Variants in NFE2L3 observed in about 807,000 individuals in gnomAD.
NFE2L3 encodes the protein nuclear factor erythroid 2-related factor 3.
In NFE2L3, 18 loss-of-function variants were observed where a neutral mutation model predicts 23.5. The observed-to-expected ratio is 0.77, with a 90% CI of 0.53 to 1.13. NFE2L3 has a LOEUF of 1.13. Among genes scored for constraint, NFE2L3 ranks in the 50% most tolerant of loss-of-function variants. The pLI is 0.00. For synonymous variants in NFE2L3, 424 were observed against 354.5 expected (o/e 1.20, Z -2.20); for missense variants, 1,152 against 877.2 (o/e 1.31, Z -3.96).
intron 1 of NFE2L3, among the ~76,000 whole-genome samples, chr7:26,172,450 A>G (rs1364302240): frequency 6.6e-6 from 1 of 152,212 alleles, no homozygotes; most frequent in Non-Finnish European, 1.5e-5. Flanking sequence ...ATTTCCTAAG[A>G]ACAGTGATTT....
At position 26,185,001 on chromosome 7, in the gene NFE2L3, T is replaced by C; in HGVS notation, c.1303T>C (p.Ser435Pro). The change falls in exon 4 of 4, where the codon TCT becomes CCT. Residue 435 changes from serine to proline, a missense_variant. By Grantham distance (74) the Ser-to-Pro change is moderately conservative. Transcript: ENST00000056233. ...SSHNNTSVIK[S>P]NSSHSVCDEG... is the part of the protein sequence containing the mutation. ...TCACAATAATACCTCTGTCATCAAG[T>C]CTAATTCCTCTCACTCTGTGTGTGA... 6.2e-7 allele frequency: 1 copy of C among 1,613,882 alleles called. No individual in the cohort carries two copies. Among genetic ancestry groups the C allele is most frequent in the Non-Finnish European group, 8.5e-7 (1 of 1,179,836 alleles).
rs1784249571 is a variant in NFE2L3, at chr7:26,166,201, C to T, written c.571-11742C>T. Among the ~76,000 whole-genome samples the T allele has an allele frequency of 2.0e-5, 3 of 152,114 alleles. No homozygotes were observed. The South Asian group carries it at 6.2e-4, about 32-fold the overall frequency. ...GACTTAAATGAATGACTTCTTACAGCCATGTGGTCAGGGGCAGACAGGGAC... is the reference window on the plus strand; with the variant it reads ...GACTTAAATGAATGACTTCTTACAGTCATGTGGTCAGGGGCAGACAGGGAC... On this transcript the variant is annotated intron_variant, in intron 1 of 3. Transcript: ENST00000056233.
intron 3 of NFE2L3, 188 bp from the exon 4 acceptor site, chr7:26,184,345 G>A: frequency 1.8e-6 from 1 of 545,772 alleles, no homozygotes; most frequent in Non-Finnish European, 3.2e-6. Flanking sequence ...AGAATTCCAG[G>A]TATTCTGATT....
Position 26,183,827 on chromosome 7 carries a change from CACTG to C in NFE2L3, c.834+46_834+49del, listed in dbSNP as rs770032600. The C allele has an allele frequency of 2.4e-6, 3 of 1,258,194 alleles. No individual in the cohort carries two copies. In the Admixed American group the frequency reaches 5.1e-5, roughly 21 times the overall value. 77.9% of individuals were successfully genotyped at this position (1,258,194 alleles called of 1,614,324 possible). On this transcript the variant is annotated intron_variant, in intron 3 of 3. Coordinates refer to ENST00000056233, the MANE Select transcript of NFE2L3 (RefSeq NM_004289.7). ...TTTTATCCTCGCAGGAACATATCTG[CACTG>C]ACCTTTTGGTGAACAAATACAACTC...
Position 26,185,141 on chromosome 7 carries a change from T to G in NFE2L3, c.1443T>G (p.Ser481Arg), listed in dbSNP as rs1281751217. The change falls in exon 4 of 4, where the codon AGT becomes AGG. Residue 481 changes from serine to arginine, a missense_variant. Coordinates refer to ENST00000056233, the MANE Select transcript of NFE2L3 (RefSeq NM_004289.7). The stretch of plus-strand genomic sequence containing the variant: ...GTAAGCTTTGTCACTTGGATCAAAG[T>G]GATTCTGATTTCCATGGAGATCTTA... ...EPSKLCHLDQSDSDFHGDLTF... is the reference protein window; with the variant it reads ...EPSKLCHLDQRDSDFHGDLTF... 6.2e-7 allele frequency: 1 copy of G among 1,613,906 alleles called. No homozygotes were observed. The highest frequency in any genetic ancestry group is 8.5e-7 in the Non-Finnish European group (1 of 1,179,840).
chr7:26,167,765 T>G (rs1377072081), intron 1 of NFE2L3, among the ~76,000 whole-genome samples: 1 of 152,206 alleles, frequency 6.6e-6, no homozygotes, highest in Admixed American at 6.5e-5. Flanking sequence ...CTACTAGGGC[T>G]AGCTGGTTTT....
In NFE2L3 at chr7:26,152,818, G is replaced by A; in HGVS notation, c.320G>A (p.Ser107Asn). 1 of 1,487,564 alleles carries A rather than the reference G, an allele frequency of 6.7e-7. No homozygotes were observed. The highest frequency in any genetic ancestry group is 2.9e-5 in the East Asian group (1 of 34,760). 92.1% of individuals were successfully genotyped at this position (1,487,564 alleles called of 1,614,324 possible). Residue 107 changes from serine to asparagine, a missense_variant, in exon 1 of 4, where the codon AGC becomes AAC. Transcript: ENST00000056233. This position sits in a 1 kb window ranked among gnomAD's most constrained non-coding sequence, Gnocchi z 4.4. ...ALGVPFVPRT[S>N]VDAWLVHSVA... ...GGGGTCCCCTTCGTCCCTCGCACCA[G>A]CGTGGATGCATGGCTGGTGCACAGC...
At position 26,181,915 on chromosome 7, in the gene NFE2L3, T is replaced by C. The variant is rs960330427; in HGVS notation, c.751-1786T>C. The stretch of plus-strand genomic sequence containing the variant: ...TTGGAAGAAAGATCTAAGAAAATTA[T>C]CTAGAATATACCAGAGAAGATGCAA... On this transcript the variant is annotated intron_variant, in intron 2 of 3. Coordinates refer to ENST00000056233, the MANE Select transcript of NFE2L3 (RefSeq NM_004289.7). Among the ~76,000 whole-genome samples the C allele has an allele frequency of 1.8e-4, 28 of 152,136 alleles. No individual in the cohort carries two copies. The South Asian group carries it at 5.4e-3, about 29-fold the overall frequency.
At chr7:26,157,826 A>G (rs1784106337) in intron 1 of NFE2L3, among the ~76,000 whole-genome samples, 1 of 152,212 alleles carries the variant, frequency 6.6e-6, no homozygotes, top group Non-Finnish European at 1.5e-5. Flanking sequence ...TGGAGGCAAG[A>G]AGTCCAAGAT....
chr7:26,155,582 A>T (rs1784068866), intron 1 of NFE2L3, among the ~76,000 whole-genome samples: 1 of 152,212 alleles, frequency 6.6e-6, no homozygotes, highest in Admixed American at 6.5e-5. Context: ...AAGTACCTAC[A>T]CGGTACTCAA....
intron 1 of NFE2L3, among the ~76,000 whole-genome samples, chr7:26,171,363 G>C (rs1784325418): frequency 6.6e-6 from 1 of 152,048 alleles, no homozygotes; most frequent in African/African-American, 2.4e-5. Flanking sequence ...GTTCAACATG[G>C]TGAAACCTCG....
intron 1 of NFE2L3, among the ~76,000 whole-genome samples, chr7:26,177,492 C>T (rs950068678): frequency 1.4e-4 from 21 of 152,012 alleles, no homozygotes; most frequent in African/African-American, 5.1e-4. Flanking sequence ...AGGCACTGGG[C>T]GGGCCGAGGC....
intron 2 of NFE2L3, among the ~76,000 whole-genome samples, chr7:26,179,796 G>C (rs544262300): frequency 1.6e-4 from 25 of 152,296 alleles, no homozygotes; most frequent in Admixed American, 1.3e-3. Context: ...TTTCTCTGGG[G>C]TTGAGGGTGT....
Position 26,153,140 on chromosome 7 carries a change from T to C in NFE2L3, c.570+72T>C, listed in dbSNP as rs1784026297. The C allele has an allele frequency of 4.2e-6, 6 of 1,414,246 alleles. No individual in the cohort carries two copies. In the South Asian group the frequency reaches 8.4e-5, roughly 20 times the overall value. 87.6% of individuals were successfully genotyped at this position (1,414,246 alleles called of 1,614,324 possible). ...GGGAGCCCCCGAGGCTTGTGTCGGATCTGAGCAGGGGCCACTCTCGCTGTG... is the reference window on the plus strand; with the variant it reads ...GGGAGCCCCCGAGGCTTGTGTCGGACCTGAGCAGGGGCCACTCTCGCTGTG... On this transcript the variant is annotated intron_variant, in intron 1 of 3. Coordinates refer to ENST00000056233, the MANE Select transcript of NFE2L3 (RefSeq NM_004289.7).
intron 1 of NFE2L3, 83 bp downstream of exon 1, chr7:26,153,151 G>A: frequency 7.5e-7 from 1 of 1,336,468 alleles, no homozygotes. Context: ...CTGAGCAGGG[G>A]CCACTCTCGC....
At position 26,175,964 on chromosome 7, in the gene NFE2L3, C is replaced by T. The variant is rs551690011; in HGVS notation, c.571-1979C>T. 2.5e-3 allele frequency among the ~76,000 whole-genome samples: 381 copies of T among 150,130 alleles called. 3 individuals carry two copies. The highest frequency in any genetic ancestry group is 0.017 in the Middle Eastern group (5 of 286). On this transcript the variant is annotated intron_variant, in intron 1 of 3. Coordinates refer to ENST00000056233, the MANE Select transcript of NFE2L3 (RefSeq NM_004289.7). ...TGGAGAGAAGGTCAGCAGATAAACA[C>T]GTGAACAAAGGTCTCTGGTTTTCCT...
chr7:26,155,614 T>G (rs1308744513), intron 1 of NFE2L3, among the ~76,000 whole-genome samples: 1 of 152,130 alleles, frequency 6.6e-6, no homozygotes, highest in East Asian at 1.9e-4. Context: ...ATCTAGGACG[T>G]CTCAGTGCAT....
intron 1 of NFE2L3, among the ~76,000 whole-genome samples, chr7:26,170,220 G>C (rs1208806959): frequency 6.6e-6 from 1 of 152,162 alleles, no homozygotes; most frequent in Non-Finnish European, 1.5e-5. Context: ...TGGTCCCCAG[G>C]TCTTGGTGTC....
At position 26,172,907 on chromosome 7, in the gene NFE2L3, CTT is replaced by C. The variant is rs567234058; in HGVS notation, c.571-5034_571-5033del. Among the ~76,000 whole-genome samples the C allele has an allele frequency of 3.5e-3, 529 of 152,256 alleles. 2 individuals are homozygous for C. The highest frequency in any genetic ancestry group is 5.5e-3 in the Non-Finnish European group (375 of 68,008). ...ATCTGCAGAGTGATACTTTGAGACTCTTTAAGTATCTTATTTCTCATAAAATT... is the reference window on the plus strand; with the variant it reads ...ATCTGCAGAGTGATACTTTGAGACTCTAAGTATCTTATTTCTCATAAAATT... On this transcript the variant is annotated intron_variant, in intron 1 of 3. Transcript: ENST00000056233.
Sources: gnomAD v4.1 joint callset for allele counts (sites outside exome capture counted in the v4.1 genomes callset) on GRCh38, gnomAD v4.1.1 for gene constraint, Gnocchi (gnomAD v3.1) non-coding constraint, MANE v1.5 for transcripts, NCBI Gene and HGNC (gene_info 2026-07-23, HGNC 2026-07-21) for gene names.